DNAJC3: variants seen among roughly 807,000 people sequenced by gnomAD.
DNAJC3 encodes the protein dnaJ homolog subfamily C member 3.
A neutral mutation model predicts 68.6 loss-of-function variants in DNAJC3; 38 were observed. The ratio of observed to expected loss-of-function variants is 0.55; its 90% CI spans 0.43 to 0.73. DNAJC3 has a LOEUF of 0.73. DNAJC3 is among the 30% of genes least tolerant of loss of function. The pLI is 0.00. For synonymous variants in DNAJC3, 203 were observed against 204.0 expected, an observed-to-expected ratio of 1.00 and a Z score of 0.04; for missense variants, 526 against 591.9, an observed-to-expected ratio of 0.89 and a Z score of 1.16.
chr13:95,761,751 G>A (rs1047841383), intron 7 of DNAJC3, among the ~76,000 whole-genome samples: 3 of 150,092 alleles, frequency 2.0e-5, no homozygotes, highest in African/African-American at 7.3e-5. Context: ...ATCATACAAT[G>A]TATAAACTTT....
rs1344717953 is a variant in DNAJC3, at chr13:95,740,042, T to C, written c.393+14790T>C. Among the ~76,000 whole-genome samples, 35 of 152,132 alleles carry C rather than the reference T, an allele frequency of 2.3e-4. 1 individual carries two copies. Among genetic ancestry groups the C allele is most frequent in the South Asian group, 2.1e-3 (10 of 4,818 alleles). ...TTTTCCTTCTAACAGAGAGGACCCT[T>C]AGCTGCAGGTCTGTTGGAATACCCT... On this transcript the variant is annotated intron_variant, in intron 4 of 11. Transcript: ENST00000602402.
At chr13:95,771,105 T>G (rs1883145449) in intron 9 of DNAJC3, among the ~76,000 whole-genome samples, 1 of 152,186 alleles carries the variant, frequency 6.6e-6, no homozygotes, top group Admixed American at 6.5e-5. Context: ...GTTCATCTTT[T>G]TATGATGCAT....
intron 1 of DNAJC3, among the ~76,000 whole-genome samples, chr13:95,701,632 T>G (rs1228251676): frequency 6.6e-6 from 1 of 152,212 alleles, no homozygotes; most frequent in African/African-American, 2.4e-5. Flanking sequence ...CATGTATGTT[T>G]GAGGTATACA....
intron 1 of DNAJC3, 103 bp from the exon 2 acceptor site, chr13:95,709,124 T>C: frequency 2.6e-6 from 2 of 764,750 alleles, no homozygotes; most frequent in Non-Finnish European, 3.8e-6. Flanking sequence ...TTTTCTCATC[T>C]GAGTAGATGA....
intron 1 of DNAJC3, among the ~76,000 whole-genome samples, chr13:95,690,667 A>AC (rs1224591046): frequency 9.9e-4 from 125 of 126,482 alleles, no homozygotes; most frequent in Admixed American, 1.9e-3. Context: ...CGGGGGGCTG[A>AC]CCCCCCCACC....
At position 95,750,128 on chromosome 13, in the gene DNAJC3, G is replaced by A. The variant is rs1247778945; in HGVS notation, c.394-7516G>A. Among the ~76,000 whole-genome samples, 4 of 152,092 alleles carry A rather than the reference G, an allele frequency of 2.6e-5. No individual in the cohort carries two copies. The East Asian group carries it at 5.8e-4, about 22-fold the overall frequency. ...GACATTTAGATGTCTCCAATCGAAC[G>A]CCTAAATGGCATCTCAGTAACAGGG... On this transcript the variant is annotated intron_variant, in intron 4 of 11. Transcript: ENST00000602402.
In DNAJC3 at chr13:95,793,228, A is replaced by C. The variant is rs1268263458; in HGVS notation, c.*2198A>C. The C allele has an allele frequency of 4.6e-5, 7 of 152,204 alleles. No individual in the cohort carries two copies. Among genetic ancestry groups the C allele is most frequent in the Non-Finnish European group, 8.8e-5 (6 of 68,050 alleles). The allele number at this position is 152,204 out of a possible 1,614,324, so 9.4% of individuals were successfully genotyped here. A position where few individuals can be genotyped will look rare whatever the true frequency, so the allele number is the denominator to read the frequency against. On this transcript the variant is annotated 3_prime_UTR_variant, in exon 12 of 12. Coordinates refer to ENST00000602402, the MANE Select transcript of DNAJC3 (RefSeq NM_006260.5). The stretch of plus-strand genomic sequence containing the variant: ...CCATGGAGGGAAATGAATTCTCTGC[A>C]ATCTGTTGTTTCGCTGATTCATGAA...
intron 7 of DNAJC3, among the ~76,000 whole-genome samples, chr13:95,761,927 T>C (rs1039418396): frequency 2.6e-5 from 4 of 152,120 alleles, no homozygotes; most frequent in Non-Finnish European, 5.9e-5. Flanking sequence ...TTCCCCCTCA[T>C]TCGAATTGTC....
intron 9 of DNAJC3, among the ~76,000 whole-genome samples, chr13:95,785,381 C>A (rs894628048): frequency 6.7e-6 from 1 of 149,662 alleles, no homozygotes; most frequent in Non-Finnish European, 1.5e-5. Context: ...GGCAAGTAAA[C>A]AGCAGTACAT....
intron 9 of DNAJC3, among the ~76,000 whole-genome samples, chr13:95,778,929 A>C (rs987317038): frequency 2.6e-5 from 4 of 152,108 alleles, no homozygotes. Context: ...AAACATTAAG[A>C]CAGTGTTTGG....
chr13:95,772,753 TTA>T (rs1461200370), intron 9 of DNAJC3, among the ~76,000 whole-genome samples: 2 of 152,220 alleles, frequency 1.3e-5, no homozygotes, highest in Non-Finnish European at 2.9e-5. Flanking sequence ...ATTTATATAT[TTA>T]TGTTTTCCCC....
At chr13:95,789,260 T>G (rs555255585) in intron 11 of DNAJC3, among the ~76,000 whole-genome samples, 10 of 152,134 alleles carry the variant, frequency 6.6e-5, no homozygotes, top group Non-Finnish European at 1.5e-4. Context: ...CACCCAGGTA[T>G]TAAGTCTAGA....
At position 95,786,997 on chromosome 13, in the gene DNAJC3, C is replaced by A; in HGVS notation, c.1209-10C>A. 6.3e-7 allele frequency: 1 copy of A among 1,581,796 alleles called. No individual in the cohort carries two copies. The highest frequency in any genetic ancestry group is 8.6e-7 in the Non-Finnish European group (1 of 1,167,814). On this transcript the variant is annotated splice_polypyrimidine_tract_variant and intron_variant, in intron 10 of 11. Transcript: ENST00000602402. Reference sequence around the variant, plus strand: ...TTCCACTAATGATTATTTATTTTACCACCCCTCAGAAATGCCAAAAAGCAA... The same window carrying A: ...TTCCACTAATGATTATTTATTTTACAACCCCTCAGAAATGCCAAAAAGCAA...
rs1880753764 is a variant in DNAJC3 at position 95,706,510 on chromosome 13, A to T, written c.83-2717A>T. Reference sequence around the variant, plus strand: ...AGCTACTTCCTTTGGGTCATAGTATATACCTGTTCTTCTGGAGCCTGTCAA... The same window carrying T: ...AGCTACTTCCTTTGGGTCATAGTATTTACCTGTTCTTCTGGAGCCTGTCAA... On this transcript the variant is annotated intron_variant, in intron 1 of 11. Coordinates refer to ENST00000602402, the MANE Select transcript of DNAJC3 (RefSeq NM_006260.5). 2.6e-5 allele frequency among the ~76,000 whole-genome samples: 4 copies of T among 152,218 alleles called. No homozygotes were observed. The South Asian group carries it at 8.3e-4, about 31-fold the overall frequency.
rs546696500 is a variant in DNAJC3, at chr13:95,714,376, CTCTG to C, written c.193+5047_193+5050del. On this transcript the variant is annotated intron_variant, in intron 2 of 11. Transcript: ENST00000602402. ...CTCCAGCCTGGGCAATGGAGTGAGA[CTCTG>C]TCTGTCTCCTTCTCTGTCTTGCTTT... is the stretch of plus-strand genomic sequence containing the variant. Among the ~76,000 whole-genome samples the C allele has an allele frequency of 1.8e-3, 268 of 147,564 alleles. 2 individuals carry two copies. Among genetic ancestry groups the C allele is most frequent in the African/African-American group, 6.2e-3 (245 of 39,512 alleles).
intron 9 of DNAJC3, among the ~76,000 whole-genome samples, chr13:95,779,370 CACTG>C (rs1883384849): frequency 6.6e-6 from 1 of 152,034 alleles, no homozygotes; most frequent in Non-Finnish European, 1.5e-5. Flanking sequence ...GTGATCTGCC[CACTG>C]CGGCCTCCCA....
intron 4 of DNAJC3, among the ~76,000 whole-genome samples, chr13:95,729,928 A>G (rs1295920435): frequency 6.6e-6 from 1 of 152,068 alleles, no homozygotes; most frequent in Non-Finnish European, 1.5e-5. Flanking sequence ...AATAGTTTGC[A>G]TATATTTTCT....
chr13:95,763,073 G>A (rs1882871545), intron 7 of DNAJC3, among the ~76,000 whole-genome samples: 1 of 152,110 alleles, frequency 6.6e-6, no homozygotes, highest in African/African-American at 2.4e-5. Context: ...GTATATAACA[G>A]GATTAGTACT....
At chr13:95,715,585 G>A (rs1005755768) in intron 2 of DNAJC3, among the ~76,000 whole-genome samples, 5 of 151,182 alleles carry the variant, frequency 3.3e-5, no homozygotes, top group East Asian at 2.0e-4. Flanking sequence ...GGGTTCAAGC[G>A]ATTCTGCCTT....
Sources: allele counts gnomAD v4.1 joint callset (sites outside exome capture counted in the v4.1 genomes callset), GRCh38; gene constraint gnomAD v4.1.1; transcripts MANE v1.5; gene names NCBI Gene and HGNC (gene_info 2026-07-23, HGNC 2026-07-21).